Variants in EHD3 observed in about 807,000 individuals in gnomAD.
The protein encoded by EHD3 is EH domain containing 3, also known as EH domain-containing protein 3.
Under a neutral mutation model 43.0 loss-of-function variants are expected in EHD3, and 17 were observed. That is an observed-to-expected ratio of 0.40 (90% CI 0.27 to 0.59). The LOEUF is 0.59. Ranked by LOEUF, EHD3 falls within the 20% of genes least tolerant of loss-of-function variation. The pLI is 0.49. For synonymous variants in EHD3, 313 were observed against 289.5 expected (o/e 1.08, Z -0.82); for missense variants, 594 against 705.6 (o/e 0.84, Z 1.79).
At chr2:31,248,414 GGGTGCT>G (rs1263099908) in intron 2 of EHD3, among the ~76,000 whole-genome samples, 1 of 152,142 alleles carries the variant, frequency 6.6e-6, no homozygotes, top group African/African-American at 2.4e-5. Context: ...ACTTCTCTCA[GGGTGCT>G]GGTCCCATTG....
In EHD3 at chr2:31,260,727, G is replaced by A. The variant is rs1171626700; in HGVS notation, c.720G>A (p.Leu240=). ...MRVYGALMWS[L]GKIVNTPEVI... is the part of the protein sequence containing the mutation. The stretch of plus-strand genomic sequence containing the variant: ...TGTACGGGGCCCTCATGTGGTCCTT[G>A]GGGAAGATCGTGAACACCCCAGAGG... Residue 240 remains leucine, a synonymous_variant, in exon 4 of 6, where the codon TTG becomes TTA. Coordinates refer to ENST00000322054, the MANE Select transcript of EHD3 (RefSeq NM_014600.3). This position sits in a 1 kb window ranked among gnomAD's most constrained non-coding sequence, Gnocchi z 4.6. 3.1e-6 allele frequency: 5 copies of A among 1,614,054 alleles called. No homozygotes were observed. In the African/African-American group the frequency reaches 5.3e-5, roughly 17 times the overall value.
At chr2:31,254,076 G>T (rs761451137) in intron 3 of EHD3, among the ~76,000 whole-genome samples, 1 of 152,132 alleles carries the variant, frequency 6.6e-6, no homozygotes, top group Non-Finnish European at 1.5e-5. Flanking sequence ...CTCCCCACAG[G>T]CCCCTTTCTG....
rs1418621028 is a variant in EHD3, at chr2:31,243,456, C to CTT, written c.228-816_228-815dup. The stretch of plus-strand genomic sequence containing the variant: ...TCTTTCTTTCTTTCTTTCTTTCTTT[C>CTT]TTTCTTTTTTTTTTTTTGAGACAGA... On this transcript the variant is annotated intron_variant, in intron 1 of 5. Transcript: ENST00000322054. 1.1e-3 allele frequency among the ~76,000 whole-genome samples: 102 copies of CTT among 93,304 alleles called. 3 individuals are homozygous for CTT. The highest frequency in any genetic ancestry group is 4.6e-3 in the African/African-American group (91 of 19,692). 61.2% of individuals were successfully genotyped at this position (93,304 alleles called of 152,430 possible). A position where few individuals can be genotyped will look rare whatever the true frequency, so the allele number is the denominator to read the frequency against.
intron 5 of EHD3, among the ~76,000 whole-genome samples, chr2:31,265,690 C>G (rs1342928963): frequency 6.6e-6 from 1 of 152,064 alleles, no homozygotes; most frequent in African/African-American, 2.4e-5. Context: ...CAGAAGGGCG[C>G]TGGGGGAGTG....
At chr2:31,265,337 G>A (rs1683929979) in intron 5 of EHD3, among the ~76,000 whole-genome samples, 1 of 152,200 alleles carries the variant, frequency 6.6e-6, no homozygotes, top group Non-Finnish European at 1.5e-5. Context: ...ACCACTGGCA[G>A]CACAGTAGGT....
chr2:31,255,567 A>G (rs1235795651), intron 3 of EHD3, among the ~76,000 whole-genome samples: 1 of 152,126 alleles, frequency 6.6e-6, no homozygotes, highest in Middle Eastern at 3.2e-3. Flanking sequence ...GGTCCAGTCC[A>G]TACCTTTGAG....
At chr2:31,254,987 G>A (rs1213612030) in intron 3 of EHD3, among the ~76,000 whole-genome samples, 2 of 152,228 alleles carry the variant, frequency 1.3e-5, no homozygotes, top group Non-Finnish European at 2.9e-5. Flanking sequence ...GATGGAAGCC[G>A]GCGGGTGAGG....
intron 1 of EHD3, among the ~76,000 whole-genome samples, chr2:31,236,871 A>G (rs1572459945): frequency 6.6e-6 from 1 of 152,090 alleles, no homozygotes; most frequent in Non-Finnish European, 1.5e-5. Context: ...TGTCTGAGAC[A>G]CTCTCCCGGC....
At chr2:31,261,213 A>G (rs1401969490) in intron 4 of EHD3, among the ~76,000 whole-genome samples, 2 of 152,224 alleles carry the variant, frequency 1.3e-5, no homozygotes, top group Non-Finnish European at 2.9e-5. Context: ...AAAGTGAAAT[A>G]AAGAGTCTCA....
chr2:31,237,612 G>A (rs1683346587), intron 1 of EHD3, among the ~76,000 whole-genome samples: 1 of 152,062 alleles, frequency 6.6e-6, no homozygotes, highest in African/African-American at 2.4e-5. Context: ...GCCATGTTAG[G>A]CAGACTGGTC....
intron 5 of EHD3, among the ~76,000 whole-genome samples, chr2:31,262,834 G>A (rs1683880433): frequency 6.6e-6 from 1 of 152,208 alleles, no homozygotes; most frequent in African/African-American, 2.4e-5. Flanking sequence ...AGAATCACTT[G>A]AACCCAGGAG....
At chr2:31,240,249 C>CA (rs1683395667) in intron 1 of EHD3, among the ~76,000 whole-genome samples, 1 of 152,230 alleles carries the variant, frequency 6.6e-6, no homozygotes, top group South Asian at 2.1e-4. Flanking sequence ...TGTCTCCCCT[C>CA]ATTCTTGTGC....
In EHD3 at chr2:31,269,143, C is replaced by T. The variant is rs912045679; in HGVS notation, c.*2439C>T. On this transcript the variant is annotated 3_prime_UTR_variant, in exon 6 of 6. Coordinates refer to ENST00000322054, the MANE Select transcript of EHD3 (RefSeq NM_014600.3). ...GGCCTGGGAGATCTCATGCCTCAGC[C>T]CAGGAAACATTTAATAGGGAAAGCA... 18 of 152,320 alleles carry T rather than the reference C, an allele frequency of 1.2e-4. No individual in the cohort carries two copies. The highest frequency in any genetic ancestry group is 4.3e-4 in the African/African-American group (18 of 41,558). The allele number at this position is 152,320 out of a possible 1,614,324, so 9.4% of individuals were successfully genotyped here.
chr2:31,248,740 C>T (rs970731976), intron 2 of EHD3, among the ~76,000 whole-genome samples: 20 of 152,266 alleles, frequency 1.3e-4, no homozygotes, highest in African/African-American at 4.6e-4. Context: ...CAGAGTAGGG[C>T]CTCAGTTACT....
At chr2:31,252,703 C>G (rs1683661895) in intron 3 of EHD3, among the ~76,000 whole-genome samples, 1 of 152,156 alleles carries the variant, frequency 6.6e-6, no homozygotes, top group African/African-American at 2.4e-5. Context: ...TCTTTGGACC[C>G]CAGTGACTGC....
At chr2:31,242,603 A>C (rs2148716335) in intron 1 of EHD3, among the ~76,000 whole-genome samples, 1 of 152,320 alleles carries the variant, frequency 6.6e-6, no homozygotes, top group South Asian at 2.1e-4. Context: ...AGTTGGAATT[A>C]AATGGATAAT....
chr2:31,265,930 C>A (rs1383119199), intron 5 of EHD3, among the ~76,000 whole-genome samples: 2 of 152,130 alleles, frequency 1.3e-5, no homozygotes, highest in Non-Finnish European at 2.9e-5. Flanking sequence ...CTTTCTTCCC[C>A]AGCCCCTACA....
At chr2:31,264,073 CAG>C (rs1291649789) in intron 5 of EHD3, among the ~76,000 whole-genome samples, 8 of 152,304 alleles carry the variant, frequency 5.3e-5, no homozygotes, top group African/African-American at 1.4e-4. Context: ...GACACATCCT[CAG>C]TAATGCATTG....
chr2:31,240,577 G>A (rs1466787269), intron 1 of EHD3, among the ~76,000 whole-genome samples: 1 of 152,202 alleles, frequency 6.6e-6, no homozygotes, highest in African/African-American at 2.4e-5. Flanking sequence ...GGGTCATGTG[G>A]GTTTAGCAGG....
Sources: gnomAD v4.1 joint callset for allele counts (sites outside exome capture counted in the v4.1 genomes callset) on GRCh38, gnomAD v4.1.1 for gene constraint, Gnocchi (gnomAD v3.1) non-coding constraint, MANE v1.5 for transcripts, NCBI Gene and HGNC (gene_info 2026-07-23, HGNC 2026-07-21) for gene names.